Variants in MARCHF8 observed in about 807,000 individuals in gnomAD.
MARCHF8 encodes E3 ubiquitin-protein ligase MARCHF8.
A neutral mutation model predicts 51.6 loss-of-function variants in MARCHF8; 40 were observed. The ratio of observed to expected loss-of-function variants is 0.77; its 90% confidence interval spans 0.60 to 1.01. The LOEUF is 1.01. MARCHF8 is among the 50% of genes least tolerant of loss of function. The pLI, the probability that MARCHF8 is intolerant of heterozygous loss-of-function variation, is 0.00. For missense variants in MARCHF8, 685 were observed against 708.6 expected, an observed-to-expected ratio of 0.97 and a Z score of 0.38; for synonymous variants, 263 against 280.3, an observed-to-expected ratio of 0.94 and a Z score of 0.62.
chr10:45,502,866 G>A (rs1173821814), intron 2 of MARCHF8, among the ~76,000 whole-genome samples: 1 of 152,124 alleles, frequency 6.6e-6, no homozygotes, highest in Non-Finnish European at 1.5e-5. Context: ...GAAAGGCTAA[G>A]CATTCAGACA....
chr10:45,475,162 A>G (rs2042763880), intron 3 of MARCHF8, among the ~76,000 whole-genome samples: 1 of 152,212 alleles, frequency 6.6e-6, no homozygotes, highest in Admixed American at 6.5e-5. Flanking sequence ...AGTGCAAACC[A>G]TTTGGCAAAG....
intron 3 of MARCHF8, among the ~76,000 whole-genome samples, chr10:45,471,412 T>C (rs2042686552): frequency 6.6e-6 from 1 of 152,210 alleles, no homozygotes; most frequent in African/African-American, 2.4e-5. Flanking sequence ...AGACAATGAT[T>C]TCTGAGCAAA....
At chr10:45,515,111 A>C (rs1345768039) in intron 2 of MARCHF8, among the ~76,000 whole-genome samples, 2 of 152,230 alleles carry the variant, frequency 1.3e-5, no homozygotes, top group Non-Finnish European at 2.9e-5. Context: ...GAAGTACATG[A>C]ATATTCATTT....
intron 2 of MARCHF8, among the ~76,000 whole-genome samples, chr10:45,490,449 A>G (rs1378024565): frequency 6.6e-6 from 1 of 152,138 alleles, no homozygotes; most frequent in African/African-American, 2.4e-5. Context: ...CAGAGGGAGA[A>G]GATGGCCATC....
intron 1 of MARCHF8, among the ~76,000 whole-genome samples, chr10:45,580,122 C>T (rs1589193340): frequency 1.3e-5 from 2 of 148,946 alleles, no homozygotes; most frequent in Non-Finnish European, 3.0e-5. Context: ...CAAATGATAA[C>T]TATAATAGCA....
At chr10:45,555,830 T>C (rs1258503288) in intron 1 of MARCHF8, among the ~76,000 whole-genome samples, 1 of 152,148 alleles carries the variant, frequency 6.6e-6, no homozygotes, top group African/African-American at 2.4e-5. Flanking sequence ...CTGGCCATTT[T>C]TGGAAATGCT....
chr10:45,571,733 T>TA (rs1187396786), intron 1 of MARCHF8, among the ~76,000 whole-genome samples: 9 of 152,326 alleles, frequency 5.9e-5, no homozygotes, highest in Non-Finnish European at 1.3e-4. Flanking sequence ...GGCCTCTTTT[T>TA]ACTCTCTTCT....
intron 2 of MARCHF8, among the ~76,000 whole-genome samples, chr10:45,495,175 G>C (rs1002306446): frequency 2.0e-5 from 3 of 151,734 alleles, no homozygotes; most frequent in African/African-American, 7.3e-5. Context: ...TTTGGATTAT[G>C]TAGGGTTTTA....
chr10:45,511,988 C>G lies in MARCHF8; in HGVS notation c.102+21122G>C, dbSNP rs563120388. 3.5e-3 allele frequency among the ~76,000 whole-genome samples: 525 copies of G among 151,300 alleles called. 6 individuals carry two copies. Among genetic ancestry groups the G allele is most frequent in the Non-Finnish European group, 5.9e-3 (396 of 67,676 alleles). On this transcript the variant is annotated intron_variant, in intron 2 of 7. Coordinates refer to ENST00000453424, the MANE Select transcript of MARCHF8 (RefSeq NM_001282866.2). ...GAGCGTCTCTGCCCGGCCGCCATCCCATCTAGGAAGTGAGGAGCGCCTCTT... is the reference window on the plus strand; with the variant it reads ...GAGCGTCTCTGCCCGGCCGCCATCCGATCTAGGAAGTGAGGAGCGCCTCTT...
chr10:45,572,864 C>T (rs1309382768), intron 1 of MARCHF8, among the ~76,000 whole-genome samples: 2 of 151,998 alleles, frequency 1.3e-5, no homozygotes, highest in Admixed American at 1.3e-4. Context: ...CTTGGGAAGA[C>T]AGTCCCAAGT....
intron 2 of MARCHF8, among the ~76,000 whole-genome samples, chr10:45,494,359 G>A (rs969370170): frequency 1.3e-5 from 2 of 152,138 alleles, no homozygotes; most frequent in Non-Finnish European, 2.9e-5. Context: ...GAGTTTTTGG[G>A]ATTCTGTATG....
At chr10:45,473,568 G>A (rs1304779147) in intron 3 of MARCHF8, among the ~76,000 whole-genome samples, 1 of 152,144 alleles carries the variant, frequency 6.6e-6, no homozygotes, top group African/African-American at 2.4e-5. Context: ...TCTATGTACT[G>A]CCCTTTTTGC....
intron 1 of MARCHF8, among the ~76,000 whole-genome samples, chr10:45,547,431 T>C (rs1222392409): frequency 1.3e-5 from 2 of 152,144 alleles, no homozygotes; most frequent in East Asian, 1.9e-4. Flanking sequence ...CAGCATTTGC[T>C]TGACCTTACA....
At chr10:45,513,948 G>A (rs997922444) in intron 2 of MARCHF8, among the ~76,000 whole-genome samples, 3 of 152,070 alleles carry the variant, frequency 2.0e-5, no homozygotes, top group Admixed American at 6.5e-5. Flanking sequence ...CTGAAGGTGC[G>A]TTCATTAAAA....
chr10:45,484,310 T>C (rs965907360), intron 3 of MARCHF8, among the ~76,000 whole-genome samples: 1 of 152,322 alleles, frequency 6.6e-6, no homozygotes, highest in Admixed American at 6.5e-5. Context: ...GGGTGAGGAC[T>C]GAGTGTGGAT....
In MARCHF8 at chr10:45,529,866, T is replaced by C. The variant is rs545490957; in HGVS notation, c.102+3244A>G. On this transcript the variant is annotated intron_variant, in intron 2 of 7. Coordinates refer to ENST00000453424, the MANE Select transcript of MARCHF8 (RefSeq NM_001282866.2). The stretch of plus-strand genomic sequence containing the variant: ...GGAGTGTAAACTAGTACAGCTGCTA[T>C]GGAAAACAATATGGAGACTTCTCAA... Among the ~76,000 whole-genome samples the C allele has an allele frequency of 2.5e-4, 38 of 152,320 alleles. No individual in the cohort carries two copies. In the South Asian group the frequency reaches 7.3e-3, roughly 29 times the overall value.
In MARCHF8 at chr10:45,566,589, C is replaced by T. The variant is rs1589183266; in HGVS notation, c.-79+27646G>A. Reference sequence around the variant, plus strand: ...ATCTCCAGTTCCATCCATATTGCTGCAAATGACTGGATCTCATTATTTTTG... The same window carrying T: ...ATCTCCAGTTCCATCCATATTGCTGTAAATGACTGGATCTCATTATTTTTG... On this transcript the variant is annotated intron_variant, in intron 1 of 6. Coordinates refer to the MARCHF8 transcript ENST00000319836. 1.3e-5 allele frequency among the ~76,000 whole-genome samples: 2 copies of T among 152,278 alleles called. 1 individual carries two copies. The highest frequency in any genetic ancestry group is 2.9e-5 in the Non-Finnish European group (2 of 68,030).
chr10:45,505,589 A>T (rs1455709636), intron 2 of MARCHF8, among the ~76,000 whole-genome samples: 1 of 152,226 alleles, frequency 6.6e-6, no homozygotes, highest in African/African-American at 2.4e-5. Flanking sequence ...GAACAAGATA[A>T]CATTAATTGC....
At chr10:45,510,917 G>A (rs2043487305) in intron 2 of MARCHF8, among the ~76,000 whole-genome samples, 2 of 152,256 alleles carry the variant, frequency 1.3e-5, no homozygotes, top group South Asian at 4.1e-4. Flanking sequence ...AAATATCTAT[G>A]GGGAATATGT....
Sources: allele counts gnomAD v4.1 joint callset (sites outside exome capture counted in the v4.1 genomes callset), GRCh38; gene constraint gnomAD v4.1.1; transcripts MANE v1.5; gene names NCBI Gene and HGNC (gene_info 2026-07-23, HGNC 2026-07-21).